ZNF487: variants seen among roughly 807,000 people sequenced by gnomAD.
ZNF487 encodes the protein KRAB domain only 1.
ZNF487 carries 4 observed loss-of-function variants against 3.0 expected under a neutral mutation model. The ratio of observed to expected loss-of-function variants is 1.35; its 90% confidence interval spans 0.66 to 3.08. ZNF487 has a LOEUF of 3.08. ZNF487 is among the 30% of genes most tolerant of loss of function. The pLI is 0.01. For synonymous variants in ZNF487, 55 were observed against 34.6 expected (o/e 1.59, Z -2.06); for missense variants, 146 against 98.7 (o/e 1.48, Z -2.03).
At chr10:43,448,378 G>A (rs191403754) in intron 1 of ZNF487, among the ~76,000 whole-genome samples, 4 of 152,028 alleles carry the variant, frequency 2.6e-5, no homozygotes, top group East Asian at 3.9e-4. Flanking sequence ...TTCGTCTTGC[G>A]CTGAAGTGGA....
the ZNF487 span, among the ~76,000 whole-genome samples, chr10:43,520,709 T>G: frequency 3.3e-5 from 5 of 152,204 alleles, no homozygotes; most frequent in Admixed American, 2.0e-4. Flanking sequence ...TTTTGGGATA[T>G]TATGGGATAA....
chr10:43,512,493 A>G, the ZNF487 span, among the ~76,000 whole-genome samples: 30 of 152,284 alleles, frequency 2.0e-4, no homozygotes, highest in African/African-American at 6.0e-4. Context: ...TCAAACCTTC[A>G]GTTTCCACCA....
intron 1 of ZNF487, among the ~76,000 whole-genome samples, chr10:43,441,059 T>TTTTTTTTTTTTTTTTTTTG: frequency 7.7e-6 from 1 of 130,406 alleles, no homozygotes; most frequent in African/African-American, 2.9e-5. Flanking sequence ...TTTTTTTTTT[T>TTTTTTTTTTTTTTTTTTTG]TTTTTTTTTG....
chr10:43,470,783 T>C (rs1840880754), intron 1 of ZNF487, among the ~76,000 whole-genome samples: 1 of 152,096 alleles, frequency 6.6e-6, no homozygotes, highest in South Asian at 2.1e-4. Flanking sequence ...CCTCCCAAAG[T>C]GTTGGGATTA....
Position 43,482,612 on chromosome 10 carries a change from T to C in ZNF487, c.*690T>C. The C allele has an allele frequency of 2.0e-6, 1 of 497,732 alleles. No individual in the cohort carries two copies. Among genetic ancestry groups the C allele is most frequent in the Non-Finnish European group, 4.1e-6 (1 of 244,328 alleles). The allele number at this position is 497,732 out of a possible 1,614,324, so 30.8% of individuals were successfully genotyped here. A position where few individuals can be genotyped will look rare whatever the true frequency, so the allele number is the denominator to read the frequency against. On this transcript the variant is annotated 3_prime_UTR_variant, in exon 4 of 4. Transcript: ENST00000437590. ...ATGAATGTCAGAAAGCCTTTGGTGATAGGTCAGCTCTAAAAGTACATCAGA... is the reference window on the plus strand; with the variant it reads ...ATGAATGTCAGAAAGCCTTTGGTGACAGGTCAGCTCTAAAAGTACATCAGA...
the ZNF487 span, among the ~76,000 whole-genome samples, chr10:43,518,297 A>G: frequency 1.3e-5 from 2 of 152,290 alleles, no homozygotes; most frequent in East Asian, 3.9e-4. Context: ...CTAGGCCCCA[A>G]GCAGCTGGTT....
chr10:43,491,822 G>A, the ZNF487 span, among the ~76,000 whole-genome samples: 59 of 151,778 alleles, frequency 3.9e-4, 6 homozygotes, highest in African/African-American at 1.4e-3. Context: ...GCCAGATAGC[G>A]AATATTTTAT....
chr10:43,496,789 C>T, the ZNF487 span, among the ~76,000 whole-genome samples: 1 of 152,202 alleles, frequency 6.6e-6, no homozygotes, highest in Non-Finnish European at 1.5e-5. Flanking sequence ...CACGTTACAT[C>T]CTCACATAGT....
intron 1 of ZNF487, among the ~76,000 whole-genome samples, chr10:43,463,621 G>A (rs1055310029): frequency 6.6e-6 from 1 of 151,290 alleles, no homozygotes; most frequent in Non-Finnish European, 1.5e-5. Flanking sequence ...CTGGCATCAA[G>A]TGATCTTCCC....
chr10:43,484,166 G>T (rs557930779), downstream of ZNF487, among the ~76,000 whole-genome samples: 77 of 152,250 alleles, frequency 5.1e-4, no homozygotes, highest in African/African-American at 1.8e-3. Flanking sequence ...ACCACACCCG[G>T]CCTTTATTCT....
chr10:43,518,150 G>T, the ZNF487 span, among the ~76,000 whole-genome samples: 2 of 152,112 alleles, frequency 1.3e-5, no homozygotes, highest in East Asian at 3.9e-4. Context: ...AAAGTAACAG[G>T]TGTCAAGGCC....
the ZNF487 span, among the ~76,000 whole-genome samples, chr10:43,508,967 G>A: frequency 6.6e-6 from 1 of 152,110 alleles, no homozygotes; most frequent in African/African-American, 2.4e-5. Flanking sequence ...GGCTGAGGCA[G>A]GCAGATTGCT....
chr10:43,459,768 T>TTTATTATTATTATTA (rs71016770), intron 1 of ZNF487, among the ~76,000 whole-genome samples: 8 of 138,326 alleles, frequency 5.8e-5, no homozygotes, highest in South Asian at 2.4e-4. Context: ...AGGCTGTGAG[T>TTTATTATTATTATTA]TTATTATTAT....
At chr10:43,437,752 C>T (rs1324279842) in intron 1 of ZNF487, among the ~76,000 whole-genome samples, 2 of 151,960 alleles carry the variant, frequency 1.3e-5, no homozygotes, top group South Asian at 2.1e-4. Context: ...AACTTTTTTC[C>T]TCCGGAAATT....
At chr10:43,493,709 AATATATATATATAT>A in the ZNF487 span, among the ~76,000 whole-genome samples, 13,134 of 43,614 alleles carry the variant, frequency 0.3, 1,524 homozygotes, top group Non-Finnish European at 0.36. Context: ...AAAAAAAAAA[AATATATATATATAT>A]ATATATATAT....
intron 1 of ZNF487, among the ~76,000 whole-genome samples, chr10:43,475,439 C>T (rs958701315): frequency 6.6e-6 from 1 of 151,750 alleles, no homozygotes; most frequent in East Asian, 1.9e-4. Context: ...CGCTTGTGCC[C>T]CAGTGGTCAA....
At chr10:43,510,076 A>C in the ZNF487 span, among the ~76,000 whole-genome samples, 1 of 152,232 alleles carries the variant, frequency 6.6e-6, no homozygotes, top group African/African-American at 2.4e-5. Flanking sequence ...GAAGTCAATA[A>C]ATCTTATGTC....
chr10:43,516,741 C>A, the ZNF487 span, among the ~76,000 whole-genome samples: 1 of 152,312 alleles, frequency 6.6e-6, no homozygotes, highest in East Asian at 1.9e-4. Context: ...GTGCCCCACC[C>A]AGATTAAAGG....
the ZNF487 span, among the ~76,000 whole-genome samples, chr10:43,498,802 C>CCTA: frequency 6.6e-6 from 1 of 151,724 alleles, no homozygotes; most frequent in African/African-American, 2.4e-5. Context: ...ATTAGCCGGG[C>CCTA]GTAGTGGCGG....
Sources: allele counts gnomAD v4.1 joint callset (sites outside exome capture counted in the v4.1 genomes callset), GRCh38; gene constraint gnomAD v4.1.1; transcripts MANE v1.5; gene names NCBI Gene and HGNC (gene_info 2026-07-23, HGNC 2026-07-21).